ZNF682: variants seen among roughly 807,000 people sequenced by gnomAD.
ZNF682 encodes zinc finger protein 682.
A neutral mutation model predicts 36.5 loss-of-function variants in ZNF682; 29 were observed. The observed-to-expected ratio is 0.80, with a 90% confidence interval of 0.59 to 1.08. ZNF682 has a LOEUF of 1.08. ZNF682 is among the 50% of genes least tolerant of loss of function. ZNF682 has a pLI of 0.00. For missense variants in ZNF682, 561 were observed against 579.7 expected, an observed-to-expected ratio of 0.97 and a Z score of 0.33; for synonymous variants, 180 against 197.0, an observed-to-expected ratio of 0.91 and a Z score of 0.72.
Position 20,039,059 on chromosome 19 carries a change from C to T in ZNF682, c.3+284G>A, listed in dbSNP as rs1400728670. ...TCTGCCCTGAGGACGCTTCCATTGT[C>T]CCCGCAGTCGGGGCAGACGCAAGAA... is the stretch of plus-strand genomic sequence containing the variant. On this transcript the variant is annotated intron_variant, in intron 1 of 3. Transcript: ENST00000397165. 6 of 1,148,224 alleles carry T rather than the reference C, an allele frequency of 5.2e-6. No homozygotes were observed. In the South Asian group the frequency reaches 1.0e-4, roughly 19 times the overall value. 71.1% of individuals were successfully genotyped at this position (1,148,224 alleles called of 1,614,324 possible). A position where few individuals can be genotyped will look rare whatever the true frequency, so the allele number is the denominator to read the frequency against.
downstream of ZNF682, among the ~76,000 whole-genome samples, chr19:20,003,263 T>C (rs951220844): frequency 4.1e-5 from 6 of 146,830 alleles, no homozygotes; most frequent in South Asian, 2.2e-4. Flanking sequence ...AGTTCTCCAA[T>C]TGAAAAAAAA....
chr19:20,024,817 C>A (rs552663468), intron 1 of ZNF682, among the ~76,000 whole-genome samples: 1 of 151,758 alleles, frequency 6.6e-6, no homozygotes, highest in African/African-American at 2.4e-5. Context: ...CTTGCCTGGG[C>A]GACAAACAAA....
At position 20,005,694 on chromosome 19, in the gene ZNF682, T is replaced by A; in HGVS notation, c.*311A>T. ...ACTCTAAGGCTTTTATTTGGTGACATCTTTCCACAGATAAATGTAATGTGT... is the reference window on the plus strand; with the variant it reads ...ACTCTAAGGCTTTTATTTGGTGACAACTTTCCACAGATAAATGTAATGTGT... On this transcript the variant is annotated 3_prime_UTR_variant, in exon 4 of 4. Coordinates refer to ENST00000397165, the MANE Select transcript of ZNF682 (RefSeq NM_033196.3). The A allele has an allele frequency of 3.3e-6, 1 of 300,010 alleles. No homozygotes were observed. Among genetic ancestry groups the A allele is most frequent in the East Asian group, 6.5e-5 (1 of 15,416 alleles). 18.6% of individuals were successfully genotyped at this position (300,010 alleles called of 1,614,324 possible).
chr19:20,025,795 A>G (rs2088426431), intron 1 of ZNF682, among the ~76,000 whole-genome samples: 1 of 152,250 alleles, frequency 6.6e-6, no homozygotes, highest in African/African-American at 2.4e-5. Context: ...GGCAACAAAA[A>G]GTAAATTATA....
Position 20,006,080 on chromosome 19 carries a change from A to T in ZNF682, c.1422T>A (p.Val474=). The change falls in exon 4 of 4, where the codon GTT becomes GTA. Residue 474 remains valine, a synonymous_variant. Coordinates refer to ENST00000397165, the MANE Select transcript of ZNF682 (RefSeq NM_033196.3). ...ACTTGCAGGATTTCTCTCCTCTTTG[A>T]ACTCTCTTATGTTCATTAAGATGTG... ...RCSHLNEHKR[V]QRGEKSCKYK... is the part of the protein sequence containing the mutation. 1 of 1,612,934 alleles carries T rather than the reference A, an allele frequency of 6.2e-7. No homozygotes were observed. Among genetic ancestry groups the T allele is most frequent in the South Asian group, 1.1e-5 (1 of 90,964 alleles).
At chr19:20,020,042 T>C (rs1291730599) in intron 3 of ZNF682, among the ~76,000 whole-genome samples, 1 of 47,482 alleles carries the variant, frequency 2.1e-5, no homozygotes, top group African/African-American at 9.3e-5. Context: ...TGAGACCCCT[T>C]CTCTTAAAAA....
chr19:20,003,006 C>A (rs537532266), downstream of ZNF682, among the ~76,000 whole-genome samples: 1 of 149,356 alleles, frequency 6.7e-6, no homozygotes. Context: ...CTGGCTAACA[C>A]GGTGAAACCC....
chr19:20,022,960 T>C (rs779427447), intron 3 of ZNF682, 44 bp downstream of exon 3: 12 of 1,543,790 alleles, frequency 7.8e-6, no homozygotes, highest in Middle Eastern at 1.7e-4. Context: ...TTCTTGGCCT[T>C]TGGAGCTTTC....
chr19:20,023,075 AGTTCT>A lies in ZNF682; in HGVS notation c.150_154del (p.Glu51AspfsTer2). The stretch of plus-strand genomic sequence containing the variant: ...CTGTCTTTGCTCCAGACGGCTAATC[AGTTCT>A]GGCTTAGAAACAGTAAGACCTGTTT... On this transcript the variant is annotated frameshift_variant, in exon 3 of 4. Transcript: ENST00000397165. LOFTEE classifies it high-confidence loss of function. 1 of 1,614,026 alleles carries A rather than the reference AGTTCT, an allele frequency of 6.2e-7. No homozygotes were observed. The highest frequency in any genetic ancestry group is 8.5e-7 in the Non-Finnish European group (1 of 1,179,942).
chr19:20,026,282 G>C (rs930489647), intron 1 of ZNF682, among the ~76,000 whole-genome samples: 3 of 146,360 alleles, frequency 2.0e-5, no homozygotes, highest in Non-Finnish European at 4.6e-5. Context: ...CAGCCTGGGC[G>C]ACAGAGCGAG....
At chr19:20,007,617 C>T (rs779503520) in intron 3 of ZNF682, 2 of 208,886 alleles carry the variant, frequency 9.6e-6, no homozygotes, top group Admixed American at 5.3e-5. Flanking sequence ...CACAGTCTAG[C>T]CATGGACCTC....
intron 2 of ZNF682, among the ~76,000 whole-genome samples, 200 bp from the exon 3 acceptor site, chr19:20,023,299 C>A (rs1012886384): frequency 1.3e-5 from 2 of 152,008 alleles, no homozygotes; most frequent in Non-Finnish European, 2.9e-5. Flanking sequence ...GAGATCGAGA[C>A]CATCCTGGCC....
intron 1 of ZNF682, among the ~76,000 whole-genome samples, chr19:20,029,446 C>CA: frequency 1.3e-5 from 2 of 151,072 alleles, no homozygotes; most frequent in South Asian, 2.1e-4. Flanking sequence ...ACTAAAAATA[C>CA]AAAAATTAGC....
chr19:20,023,165 G>C, intron 2 of ZNF682, 66 bp from the exon 3 acceptor site: 1 of 1,397,410 alleles, frequency 7.2e-7, no homozygotes, highest in Non-Finnish European at 1.0e-6. Context: ...CTAGTGTTGT[G>C]CTCTGTAGAT....
chr19:20,010,771 C>T (rs2088278728), intron 3 of ZNF682, among the ~76,000 whole-genome samples: 1 of 151,918 alleles, frequency 6.6e-6, no homozygotes, highest in Non-Finnish European at 1.5e-5. Context: ...TCAAGACCAT[C>T]CTGGTCAACA....
chr19:20,002,150 T>C (rs577088495), downstream of ZNF682, among the ~76,000 whole-genome samples: 3 of 152,150 alleles, frequency 2.0e-5, no homozygotes, highest in Non-Finnish European at 4.4e-5. Context: ...TGGTGTGATC[T>C]TGGCTCACTG....
chr19:20,033,333 A>G (rs2088496998), intron 1 of ZNF682: 1 of 152,176 alleles, frequency 6.6e-6, no homozygotes, highest in South Asian at 2.1e-4. Flanking sequence ...TATATATTAA[A>G]TCAATGGTTC....
Position 20,007,260 on chromosome 19 carries a change from TA to T in ZNF682, c.241del (p.Tyr81ThrfsTer18). ...CTGTTCTGGCAAAAGGTCTTCAGTG[TA>T]ATGAGAAGACATAGCTGAAATATGA... Reference protein sequence around the residue: ...IAKPPAMSSHYTEDLLPEQCM... With the variant: ...IAKPPAMSSHXTEDLLPEQCM... On this transcript the variant is annotated frameshift_variant, in exon 4 of 4. Transcript: ENST00000397165. LOFTEE classifies it low-confidence loss of function (END_TRUNC). 6.2e-7 allele frequency: 1 copy of T among 1,606,630 alleles called. No individual in the cohort carries two copies. The highest frequency in any genetic ancestry group is 8.5e-7 in the Non-Finnish European group (1 of 1,176,800).
chr19:19,997,040 G>A (rs936643909), downstream of ZNF682: 2 of 390,098 alleles, frequency 5.1e-6, no homozygotes, highest in African/African-American at 4.1e-5. Context: ...ATAGAGAAGA[G>A]GCAGACAGAA....
Sources: allele counts gnomAD v4.1 joint callset (sites outside exome capture counted in the v4.1 genomes callset), GRCh38; gene constraint gnomAD v4.1.1; transcripts MANE v1.5; gene names NCBI Gene and HGNC (gene_info 2026-07-23, HGNC 2026-07-21).